RADX: variants seen among roughly 807,000 people sequenced by gnomAD.
RADX encodes the protein RPA1 related single stranded DNA binding protein, X-linked.
In RADX, 36 loss-of-function variants were observed where a neutral mutation model predicts 61.6. That is an observed-to-expected ratio of 0.58 (90% CI 0.45 to 0.77). The LOEUF (loss-of-function observed/expected upper bound fraction) is 0.77, where lower values mean the gene tolerates loss of function less well. Among genes scored for constraint, RADX ranks in the 30% least tolerant of loss-of-function variants. The pLI is 0.00. For synonymous variants in RADX, 272 were observed against 237.9 expected (o/e 1.14, Z -1.32); for missense variants, 497 against 651.1 (o/e 0.76, Z 2.58).
chrX:106,622,363 T>C (rs1926973781), intron 1 of RADX, among the ~76,000 whole-genome samples: 1 of 110,464 alleles, frequency 9.1e-6, no homozygotes, highest in Admixed American at 9.7e-5. Context: ...CAGGAAGTTA[T>C]TAAATGGTTT....
intron 11 of RADX, among the ~76,000 whole-genome samples, chrX:106,654,507 A>C (rs1927885736): frequency 9.0e-6 from 1 of 111,580 alleles, no homozygotes; most frequent in South Asian, 3.8e-4. Context: ...CAATGGGGAA[A>C]GGATTCCCTA....
At chrX:106,634,436 T>C (rs1927314498) in intron 6 of RADX, among the ~76,000 whole-genome samples, 1 of 111,401 alleles carries the variant, frequency 9.0e-6, no homozygotes, top group Admixed American at 9.6e-5. Flanking sequence ...ACCTGGCCTA[T>C]ATCTATTATT....
chrX:106,642,895 A>G (rs1335303991), intron 10 of RADX, among the ~76,000 whole-genome samples: 1 of 111,589 alleles, frequency 9.0e-6, no homozygotes, highest in Admixed American at 9.5e-5. Context: ...CCTTTTCTCC[A>G]CATCATCACC....
intron 1 of RADX, among the ~76,000 whole-genome samples, chrX:106,614,164 A>T (rs1326011376): frequency 8.9e-6 from 1 of 111,947 alleles, no homozygotes; most frequent in East Asian, 2.8e-4. Flanking sequence ...CAAATTGTTA[A>T]TAATAAAATA....
At chrX:106,660,423 G>A (rs764094726) in intron 11 of RADX, among the ~76,000 whole-genome samples, 1 of 111,943 alleles carries the variant, frequency 8.9e-6, no homozygotes, top group African/African-American at 3.2e-5. Flanking sequence ...TAAGTCTCCA[G>A]CTAGGCTTAA....
chrX:106,628,516 G>A (rs1400853160), intron 3 of RADX, among the ~76,000 whole-genome samples: 1 of 111,448 alleles, frequency 9.0e-6, no homozygotes, highest in Non-Finnish European at 1.9e-5. Context: ...GTCAGTAAAG[G>A]AATAAGGATT....
intron 6 of RADX, 65 bp downstream of exon 6, chrX:106,633,317 A>T: frequency 1.0e-6 from 1 of 979,534 alleles, no homozygotes; most frequent in Non-Finnish European, 1.4e-6. Flanking sequence ...AAAAATGTAG[A>T]GTAAACTGAC....
chrX:106,667,208 G>A (rs1172985136), intron 12 of RADX, among the ~76,000 whole-genome samples: 2 of 111,962 alleles, frequency 1.8e-5, no homozygotes, highest in Non-Finnish European at 3.8e-5. Context: ...TGGGGGAGAT[G>A]TAGTTATCTG....
At chrX:106,656,283 T>C in intron 11 of RADX, among the ~76,000 whole-genome samples, 1 of 111,901 alleles carries the variant, frequency 8.9e-6, no homozygotes, top group Middle Eastern at 4.6e-3. Context: ...CTAATTCTAG[T>C]TCTCCTGCCA....
At chrX:106,676,166 T>C (rs181537231) in intron 13 of RADX, among the ~76,000 whole-genome samples, 12 of 112,348 alleles carry the variant, frequency 1.1e-4, no homozygotes, top group African/African-American at 3.9e-4. Context: ...CCAAAGCATC[T>C]GGATTAAAGT....
intron 11 of RADX, among the ~76,000 whole-genome samples, chrX:106,661,232 GA>G (rs890853766): frequency 4.5e-5 from 5 of 111,171 alleles, no homozygotes; most frequent in African/African-American, 1.6e-4. Flanking sequence ...ATGATAATTT[GA>G]TTTGATGATA....
rs1283001735 is a variant in RADX, at chrX:106,679,429, T to C, written c.*1171T>C. On this transcript the variant is annotated 3_prime_UTR_variant, in exon 14 of 14. Transcript: ENST00000372548. ...AGTTTTGAGTGAATTATTAAAGAAG[T>C]TAAAATGCAATAACTTTTTGGTCTC... The C allele has an allele frequency of 8.9e-6, 1 of 112,238 alleles. No individual in the cohort carries two copies. Among genetic ancestry groups the C allele is most frequent in the Non-Finnish European group, 1.9e-5 (1 of 53,237 alleles). The allele number at this position is 112,238 out of a possible 1,213,427, so 9.2% of individuals were successfully genotyped here. A position where few individuals can be genotyped will look rare whatever the true frequency, so the allele number is the denominator to read the frequency against.
At chrX:106,656,181 C>T (rs1405348115) in intron 11 of RADX, among the ~76,000 whole-genome samples, 1 of 112,172 alleles carries the variant, frequency 8.9e-6, no homozygotes, top group East Asian at 2.8e-4. Context: ...CTCAAAAAAA[C>T]CACCTTTGTT....
At chrX:106,623,952 T>C (rs773571218) in intron 2 of RADX, among the ~76,000 whole-genome samples, 3 of 111,462 alleles carry the variant, frequency 2.7e-5, no homozygotes, top group Non-Finnish European at 3.8e-5. Flanking sequence ...GCTTATTTGT[T>C]GCCTTCCTAC....
chrX:106,647,757 C>A (rs1283440769), intron 10 of RADX, among the ~76,000 whole-genome samples: 1 of 110,994 alleles, frequency 9.0e-6, no homozygotes, highest in Non-Finnish European at 1.9e-5. Context: ...TGTTGAGCAC[C>A]TTTTCATATA....
At chrX:106,627,299 A>G (rs1315959040) in intron 3 of RADX, among the ~76,000 whole-genome samples, 5 of 111,874 alleles carry the variant, frequency 4.5e-5, no homozygotes, top group African/African-American at 1.6e-4. Context: ...CATTACCTGC[A>G]TGAAACTGAC....
In RADX at chrX:106,667,462, G is replaced by A. The variant is rs751562880; in HGVS notation, c.2270-1701G>A. Among the ~76,000 whole-genome samples, 10 of 109,682 alleles carry A rather than the reference G, an allele frequency of 9.1e-5. No homozygotes were observed. In the South Asian group the frequency reaches 1.6e-3, roughly 18 times the overall value. On this transcript the variant is annotated intron_variant, in intron 12 of 13. Transcript: ENST00000372548. ...CTCCCAAGTAGCTGGGACCACAGGCGCACACCACCACACCCAGTTATTATT... is the reference window on the plus strand; with the variant it reads ...CTCCCAAGTAGCTGGGACCACAGGCACACACCACCACACCCAGTTATTATT...
chrX:106,668,630 C>G (rs1198770245), intron 12 of RADX, among the ~76,000 whole-genome samples: 1 of 111,861 alleles, frequency 8.9e-6, no homozygotes, highest in Admixed American at 9.5e-5. Context: ...CACTTTAGTT[C>G]TTCCCTCTTA....
chrX:106,626,233 T>C lies in RADX; in HGVS notation c.979+951T>C, dbSNP rs372724836. Among the ~76,000 whole-genome samples, 25 of 112,224 alleles carry C rather than the reference T, an allele frequency of 2.2e-4. No individual in the cohort carries two copies. In the South Asian group the frequency reaches 2.9e-3, roughly 13 times the overall value. On this transcript the variant is annotated intron_variant, in intron 3 of 13. Coordinates refer to ENST00000372548, the MANE Select transcript of RADX (RefSeq NM_018015.6). ...CCTTTATTCTGAACCTGAATTTCTG[T>C]GTATTCTAAATTCCCCAGCTAATCC...
Sources: gnomAD v4.1 joint callset for allele counts (sites outside exome capture counted in the v4.1 genomes callset) on GRCh38, gnomAD v4.1.1 for gene constraint, MANE v1.5 for transcripts, NCBI Gene and HGNC (gene_info 2026-07-23, HGNC 2026-07-21) for gene names.